DOCK4: variants seen among roughly 807,000 people sequenced by gnomAD.
DOCK4 encodes dedicator of cytokinesis protein 4.
In DOCK4, 97 loss-of-function variants were observed where a neutral mutation model predicts 268.1. That is an observed-to-expected ratio of 0.36 (90% CI 0.31 to 0.43). DOCK4 has a LOEUF of 0.43. DOCK4 is among the 20% of genes least tolerant of loss of function. The pLI, the probability that DOCK4 is intolerant of heterozygous loss-of-function variation, is 1.00. For missense variants in DOCK4, 2,145 were observed against 2,455.7 expected, an observed-to-expected ratio of 0.87 and a Z score of 2.67; for synonymous variants, 954 against 887.2, an observed-to-expected ratio of 1.08 and a Z score of -1.34.
At chr7:111,931,622 G>T (rs930788100) in intron 12 of DOCK4, among the ~76,000 whole-genome samples, 2 of 152,184 alleles carry the variant, frequency 1.3e-5, no homozygotes, top group African/African-American at 4.8e-5. Context: ...ACAAAGTATA[G>T]AAGGGGTCGG....
chr7:112,196,383 G>A (rs1227762629), intron 1 of DOCK4, among the ~76,000 whole-genome samples: 1 of 152,116 alleles, frequency 6.6e-6, no homozygotes, highest in African/African-American at 2.4e-5. Flanking sequence ...AGTAAGCTTT[G>A]TTATTGCAAT....
chr7:111,995,265 T>C (rs1035546836), intron 4 of DOCK4, among the ~76,000 whole-genome samples: 4 of 152,038 alleles, frequency 2.6e-5, no homozygotes, highest in Admixed American at 1.3e-4. Context: ...TATCCTGACC[T>C]TGTGATCTGC....
Position 111,847,097 on chromosome 7 carries a change from A to G in DOCK4, c.2503T>C (p.Leu835=). Reference sequence around the variant, plus strand: ...TGCAAGTGAATGTGGAGGTGATGTAACACGACAGGCAGAAGAATGTATCGG... The same window carrying G: ...TGCAAGTGAATGTGGAGGTGATGTAGCACGACAGGCAGAAGAATGTATCGG... ...DSRYILLPVV[L]HHLHIHLQEQ... The change falls in exon 24 of 53, where the codon TTA becomes CTA. Residue 835 remains leucine, a synonymous_variant. Transcript: ENST00000428084. 1 of 1,613,862 alleles carries G rather than the reference A, an allele frequency of 6.2e-7. No individual in the cohort carries two copies.
intron 5 of DOCK4, among the ~76,000 whole-genome samples, chr7:111,990,236 GC>G: frequency 6.6e-6 from 1 of 152,258 alleles, no homozygotes; most frequent in South Asian, 2.1e-4. Flanking sequence ...TCCAGAATGA[GC>G]CCTCTACAAA....
intron 42 of DOCK4, among the ~76,000 whole-genome samples, chr7:111,753,153 C>G (rs1796804112): frequency 6.6e-6 from 1 of 152,080 alleles, no homozygotes; most frequent in African/African-American, 2.4e-5. Context: ...CTAGCAGGAT[C>G]TAGGGCAGGT....
intron 8 of DOCK4, among the ~76,000 whole-genome samples, chr7:111,951,092 A>C (rs910737294): frequency 2.0e-5 from 3 of 152,234 alleles, no homozygotes; most frequent in Non-Finnish European, 2.9e-5. Context: ...ATGATACTAT[A>C]AATCAAAAAT....
At chr7:112,138,784 G>A (rs944833105) in intron 1 of DOCK4, among the ~76,000 whole-genome samples, 2 of 152,038 alleles carry the variant, frequency 1.3e-5, no homozygotes, top group Non-Finnish European at 2.9e-5. Context: ...CTGAGGGTGG[G>A]GCCCCGTTAA....
At chr7:111,997,196 C>G (rs1291770927) in intron 4 of DOCK4, among the ~76,000 whole-genome samples, 2 of 152,192 alleles carry the variant, frequency 1.3e-5, no homozygotes, top group African/African-American at 4.8e-5. Flanking sequence ...TCACATCTAG[C>G]TGGGTAGGAA....
intron 1 of DOCK4, among the ~76,000 whole-genome samples, chr7:112,195,301 C>T (rs1820324448): frequency 6.6e-6 from 1 of 152,108 alleles, no homozygotes; most frequent in African/African-American, 2.4e-5. Context: ...AACTAGCAAA[C>T]AAACTGGAGA....
chr7:112,008,891 G>A (rs1274376023), intron 1 of DOCK4, among the ~76,000 whole-genome samples: 3 of 152,224 alleles, frequency 2.0e-5, no homozygotes, highest in African/African-American at 7.2e-5. Context: ...CTACTTGGGA[G>A]GCTGAGCAGG....
intron 25 of DOCK4, among the ~76,000 whole-genome samples, chr7:111,840,498 T>C (rs933440203): frequency 2.0e-5 from 3 of 152,182 alleles, no homozygotes; most frequent in African/African-American, 7.2e-5. Context: ...AATTAGACTT[T>C]TGAAAGGAAC....
chr7:111,878,658 T>C (rs1318333053), intron 16 of DOCK4, among the ~76,000 whole-genome samples: 3 of 152,104 alleles, frequency 2.0e-5, no homozygotes, highest in Non-Finnish European at 2.9e-5. Flanking sequence ...CTGTGCAAGT[T>C]TGTAGGATAA....
chr7:111,746,855 G>C (rs1415012901), intron 43 of DOCK4, among the ~76,000 whole-genome samples: 1 of 122,010 alleles, frequency 8.2e-6, no homozygotes, highest in Non-Finnish European at 1.6e-5. Flanking sequence ...TAAGAGATAA[G>C]ATCTTCCTAT....
At position 111,790,603 on chromosome 7, in the gene DOCK4, C is replaced by T; in HGVS notation, c.3169G>A (p.Glu1057Lys). ...EIFSMWQNLG[E>K]HKLHFIPALI... ...GCAGGGATAAAATGAAGCTTGTGCTCTCCTAAAGTGAGAAAAATATTTGAG... is the reference window on the plus strand; with the variant it reads ...GCAGGGATAAAATGAAGCTTGTGCTTTCCTAAAGTGAGAAAAATATTTGAG... Residue 1057 changes from glutamate (E) to lysine (K), a missense_variant and splice_region_variant, in exon 31 of 53, where the codon GAG (glutamate) becomes AAG (lysine). Glu to Lys is a moderately conservative substitution (Grantham distance 56, BLOSUM62 1). Transcript: ENST00000428084. The T allele has an allele frequency of 6.3e-7, 1 of 1,597,290 alleles. No homozygotes were observed. The highest frequency in any genetic ancestry group is 1.1e-5 in the South Asian group (1 of 87,666).
chr7:111,901,673 A>G lies in DOCK4; in HGVS notation c.1317+4T>C. ...TGACCTGGAAATATCAAGTATTAAC[A>G]TACCTTCAGGGTTTGGCCACTACTG... On this transcript the variant is annotated splice_donor_region_variant and intron_variant, in intron 14 of 52. Coordinates refer to ENST00000428084, the MANE Select transcript of DOCK4 (RefSeq NM_001363540.2). The G allele has an allele frequency of 1.9e-6, 3 of 1,613,396 alleles. No homozygotes were observed. Among genetic ancestry groups the G allele is most frequent in the Non-Finnish European group, 2.5e-6 (3 of 1,179,676 alleles).
At chr7:112,167,209 C>T (rs373063709) in intron 1 of DOCK4, among the ~76,000 whole-genome samples, 47 of 152,256 alleles carry the variant, frequency 3.1e-4, no homozygotes, top group African/African-American at 1.1e-3. Context: ...TCTTGCCTCC[C>T]CTTTCCAACT....
intron 7 of DOCK4, among the ~76,000 whole-genome samples, chr7:111,981,796 T>C (rs1798628547): frequency 6.6e-6 from 1 of 152,100 alleles, no homozygotes; most frequent in Admixed American, 6.6e-5. Context: ...ACGGCCAACA[T>C]TGCTAATCAA....
chr7:112,014,325 C>T (rs1042538143), intron 1 of DOCK4, among the ~76,000 whole-genome samples: 2 of 152,144 alleles, frequency 1.3e-5, no homozygotes, highest in African/African-American at 4.8e-5. Context: ...TTTCTACCAT[C>T]GGTAGGAATT....
chr7:111,961,915 C>T (rs1042024830), intron 8 of DOCK4, among the ~76,000 whole-genome samples: 6 of 152,142 alleles, frequency 3.9e-5, no homozygotes, highest in African/African-American at 1.4e-4. Context: ...TTATGGCCTA[C>T]ATACAGTATG....
Sources: gnomAD v4.1 joint callset for allele counts (sites outside exome capture counted in the v4.1 genomes callset) on GRCh38, gnomAD v4.1.1 for gene constraint, MANE v1.5 for transcripts, NCBI Gene and HGNC (gene_info 2026-07-23, HGNC 2026-07-21) for gene names.